DDOST: variants seen among roughly 807,000 people sequenced by gnomAD.
DDOST encodes dolichyl-diphosphooligosaccharide--protein glycosyltransferase non-catalytic subunit, also known as dolichyl-diphosphooligosaccharide--protein glycosyltransferase 48 kDa subunit.
Under a neutral mutation model 47.6 loss-of-function variants are expected in DDOST, and 25 were observed. That is an observed-to-expected ratio of 0.53 (90% CI 0.38 to 0.73). The LOEUF is 0.73. DDOST is among the 30% of genes least tolerant of loss of function. DDOST has a pLI of 0.00. For missense variants in DDOST, 526 were observed against 573.9 expected (o/e 0.92, Z 0.85); for synonymous variants, 275 against 236.0 (o/e 1.17, Z -1.51).
In DDOST at chr1:20,661,190, C is replaced by T. The variant is rs1431294245; in HGVS notation, c.154+7G>A. On this transcript the variant is annotated splice_region_variant and intron_variant, in intron 1 of 10. Coordinates refer to ENST00000602624, the MANE Select transcript of DDOST (RefSeq NM_005216.5). ...CCACACGCTACCCCCTCGGACCCCG[C>T]TCTCACCCTTCAGGCTCCGGAAGAA... The T allele has an allele frequency of 3.7e-6, 6 of 1,613,238 alleles. No individual in the cohort carries two copies. Among genetic ancestry groups the T allele is most frequent in the Non-Finnish European group, 5.1e-6 (6 of 1,179,712 alleles).
In DDOST at chr1:20,652,606, G is replaced by A. The variant is rs748840954; in HGVS notation, c.1170+15C>T. 2 of 1,614,074 alleles carry A rather than the reference G, an allele frequency of 1.2e-6. No homozygotes were observed. Among genetic ancestry groups the A allele is most frequent in the Non-Finnish European group, 1.7e-6 (2 of 1,179,912 alleles). ...CACATGCTAGCTGAAAACAGAAGCTGTCACCTGTGCTTACCTGAGTGGAAG... is the reference window on the plus strand; with the variant it reads ...CACATGCTAGCTGAAAACAGAAGCTATCACCTGTGCTTACCTGAGTGGAAG... On this transcript the variant is annotated intron_variant, in intron 10 of 10. Coordinates refer to ENST00000602624, the MANE Select transcript of DDOST (RefSeq NM_005216.5).
At chr1:20,660,583 T>G (rs2053424021) in intron 2 of DDOST, 1 of 227,550 alleles carries the variant, frequency 4.4e-6, no homozygotes, top group Non-Finnish European at 8.7e-6. Context: ...ACCCAGGAGC[T>G]TTCCATCTTT....
At chr1:20,653,207 A>G in intron 8 of DDOST, 2 of 586,728 alleles carry the variant, frequency 3.4e-6, no homozygotes, top group Admixed American at 3.0e-5. Flanking sequence ...AGATTCCTTC[A>G]CACAGTATTC....
chr1:20,653,421 C>G (rs2154534208), intron 8 of DDOST, among the ~76,000 whole-genome samples: 1 of 152,352 alleles, frequency 6.6e-6, no homozygotes. Flanking sequence ...AATACACACA[C>G]CTCTTCAAAA....
At position 20,652,938 on chromosome 1, in the gene DDOST, C is replaced by T; in HGVS notation, c.976G>A (p.Gly326Ser). 6.2e-7 allele frequency: 1 copy of T among 1,614,202 alleles called. No individual in the cohort carries two copies. Among genetic ancestry groups the T allele is most frequent in the Non-Finnish European group, 8.5e-7 (1 of 1,180,036 alleles). The change falls in exon 9 of 11, where the codon GGC becomes AGC. Residue 326 changes from glycine (G) to serine (S), a missense_variant. Physicochemically the swap from Gly to Ser is moderately conservative, Grantham distance 56. Coordinates refer to ENST00000602624, the MANE Select transcript of DDOST (RefSeq NM_005216.5). ...TCGCCATCAAAGGGGACCCATTTGC[C>T]ATTTGAGAGCTGCTGGATCACGATG... ...YSIVIQQLSNGKWVPFDGDDI... is the reference protein window; with the variant it reads ...YSIVIQQLSNSKWVPFDGDDI...
intron 2 of DDOST, among the ~76,000 whole-genome samples, chr1:20,659,347 G>A (rs2053411837): frequency 6.6e-6 from 1 of 152,104 alleles, no homozygotes; most frequent in Non-Finnish European, 1.5e-5. Flanking sequence ...CTCCCGAGCA[G>A]TCTCATTCAC....
rs1386023268 is a variant in DDOST, at chr1:20,653,574, G to C, written c.942+53C>G. On this transcript the variant is annotated intron_variant, in intron 8 of 10. Coordinates refer to ENST00000602624, the MANE Select transcript of DDOST (RefSeq NM_005216.5). ...TGTTCAATAAGTGCTTCTGAGCTGAGCTCAGTCAGCTTGGCAAACCCTTTG... is the reference window on the plus strand; with the variant it reads ...TGTTCAATAAGTGCTTCTGAGCTGACCTCAGTCAGCTTGGCAAACCCTTTG... 2.0e-6 allele frequency: 3 copies of C among 1,513,064 alleles called. No individual in the cohort carries two copies. In the South Asian group the frequency reaches 3.8e-5, roughly 19 times the overall value. 93.7% of individuals were successfully genotyped at this position (1,513,064 alleles called of 1,614,324 possible). A position where few individuals can be genotyped will look rare whatever the true frequency, so the allele number is the denominator to read the frequency against.
Position 20,660,986 on chromosome 1 carries a change from C to A in DDOST, c.160G>T (p.Gly54Cys). Residue 54 changes from glycine to cysteine, a missense_variant, in exon 2 of 11, where the codon GGC becomes TGC. Gly to Cys is a radical substitution (Grantham distance 159). Transcript: ENST00000602624. ...SLFFRSLKDR[G>C]FELTFKTADD... ...GCGGTCTTGAATGTGAGCTCAAAGC[C>A]CCGGTCTGGACAAGAAAAAACAGGT... 1 of 1,612,084 alleles carries A rather than the reference C, an allele frequency of 6.2e-7. No individual in the cohort carries two copies. Among genetic ancestry groups the A allele is most frequent in the Non-Finnish European group, 8.5e-7 (1 of 1,178,328 alleles).
At position 20,661,315 on chromosome 1, in the gene DDOST, G is replaced by A; in HGVS notation, c.36C>T (p.Leu12=). 1 of 1,613,828 alleles carries A rather than the reference G, an allele frequency of 6.2e-7. No homozygotes were observed. Among genetic ancestry groups the A allele is most frequent in the Non-Finnish European group, 8.5e-7 (1 of 1,180,010 alleles). Reference sequence around the variant, plus strand: ...CAAGCAAGGGCAGCAGCAACCAAAAGAGGGCCCAAGCCCGGGCCGCGGTGC... The same window carrying A: ...CAAGCAAGGGCAGCAGCAACCAAAAAAGGGCCCAAGCCCGGGCCGCGGTGC... ...EPSTAARAWA[L]FWLLLPLLGA... Residue 12 remains leucine (L), a synonymous_variant, in exon 1 of 11, where the codon CTC becomes CTT. Coordinates refer to ENST00000602624, the MANE Select transcript of DDOST (RefSeq NM_005216.5).
chr1:20,657,546 G>A lies in DDOST; in HGVS notation c.266-1359C>T, dbSNP rs186316479. Among the ~76,000 whole-genome samples the A allele has an allele frequency of 5.3e-5, 8 of 152,254 alleles. No homozygotes were observed. The East Asian group carries it at 9.7e-4, about 18-fold the overall frequency. On this transcript the variant is annotated intron_variant, in intron 2 of 10. Coordinates refer to ENST00000602624, the MANE Select transcript of DDOST (RefSeq NM_005216.5). Reference sequence around the variant, plus strand: ...CAGCCGCAGGGCCTGCTGATGCTTCGACAGGGGCATTAGAAAAGCTCCAAG... The same window carrying A: ...CAGCCGCAGGGCCTGCTGATGCTTCAACAGGGGCATTAGAAAAGCTCCAAG...
Position 20,654,226 on chromosome 1 carries a change from T to A in DDOST, c.791A>T (p.Gln264Leu). The change falls in exon 7 of 11, where the codon CAG (glutamine) becomes CTG (leucine). Residue 264 changes from glutamine (Q) to leucine (L), a missense_variant. By Grantham distance (113) the Gln-to-Leu change is moderately radical. Coordinates refer to ENST00000602624, the MANE Select transcript of DDOST (RefSeq NM_005216.5). ...CCCTAAGCCTCCTGGCAGCTACCTC[T>A]GGGAGCCGGGCGCCGCCTTCTGCAC... is the stretch of plus-strand genomic sequence containing the variant. ...SAVQKAAPGS[Q>L]RYSQTGNYEL... 1 of 1,550,590 alleles carries A rather than the reference T, an allele frequency of 6.4e-7. No homozygotes were observed. Among genetic ancestry groups the A allele is most frequent in the Non-Finnish European group, 8.7e-7 (1 of 1,146,932 alleles).
At position 20,654,715 on chromosome 1, in the gene DDOST, A is replaced by G. The variant is rs768421896; in HGVS notation, c.552-8T>C. On this transcript the variant is annotated splice_region_variant and splice_polypyrimidine_tract_variant and intron_variant, in intron 5 of 10. Coordinates refer to ENST00000602624, the MANE Select transcript of DDOST (RefSeq NM_005216.5). ...TCAGGATCGGCCACCATCCTGCAGCAGGACGAGAGCAGCCCAGCACTGGCC... is the reference window on the plus strand; with the variant it reads ...TCAGGATCGGCCACCATCCTGCAGCGGGACGAGAGCAGCCCAGCACTGGCC... The G allele has an allele frequency of 2.0e-5, 31 of 1,550,586 alleles. No individual in the cohort carries two copies. Among genetic ancestry groups the G allele is most frequent in the Non-Finnish European group, 2.5e-5 (29 of 1,145,742 alleles).
intron 2 of DDOST, 44 bp from the exon 3 acceptor site, chr1:20,656,231 C>T (rs372973778): frequency 1.7e-5 from 26 of 1,488,888 alleles, no homozygotes; most frequent in Non-Finnish European, 2.4e-5. Flanking sequence ...GTCTCCTCTC[C>T]CTGCTCCTCT....
chr1:20,654,150 C>CGAA (rs1410791872), intron 7 of DDOST, 73 bp downstream of exon 7: 2 of 1,499,878 alleles, frequency 1.3e-6, no homozygotes, highest in Non-Finnish European at 1.8e-6. Context: ...CTCCTTCTTC[C>CGAA]CCTTCTGAGT....
chr1:20,655,640 T>C, intron 4 of DDOST, 36 bp downstream of exon 4: 1 of 1,597,936 alleles, frequency 6.3e-7, no homozygotes, highest in Non-Finnish European at 8.6e-7. Context: ...CTTTGCCATA[T>C]GCCCCTGAAA....
intron 2 of DDOST, among the ~76,000 whole-genome samples, chr1:20,656,597 C>T (rs1190007390): frequency 6.6e-6 from 1 of 152,194 alleles, no homozygotes; most frequent in Non-Finnish European, 1.5e-5. Flanking sequence ...CCTGTCAATT[C>T]CACCCTGTCT....
Position 20,653,670 on chromosome 1 carries a change from C to G in DDOST, c.899G>C (p.Gly300Ala). ...RVGPVSHHRV[G>A]ETAPPNAYTV... ...GTAGGCATTGGGTGGGGCTGTCTCG[C>G]CCACCCGATGATGGGACACAGGCCC... The change falls in exon 8 of 11, where the codon GGC (glycine) becomes GCC (alanine). Residue 300 changes from glycine (G) to alanine (A), a missense_variant. Gly to Ala is a moderately conservative substitution (Grantham distance 60). Coordinates refer to ENST00000602624, the MANE Select transcript of DDOST (RefSeq NM_005216.5). 1 of 1,613,474 alleles carries G rather than the reference C, an allele frequency of 6.2e-7. No homozygotes were observed. Among genetic ancestry groups the G allele is most frequent in the South Asian group, 1.1e-5 (1 of 91,044 alleles).
At chr1:20,654,510 C>T (rs1277995055) in intron 6 of DDOST, 104 bp downstream of exon 6, 2 of 1,369,236 alleles carry the variant, frequency 1.5e-6, no homozygotes, top group Non-Finnish European at 2.0e-6. Context: ...CACACCGCTT[C>T]TGCCCATGCC....
chr1:20,652,739 C>A lies in DDOST; in HGVS notation c.1064-12G>T. ...ACTGTATTTGCCACCTGCGGAAGAA[C>A]CAACAAGAATAACCGGGAGGGGTTT... On this transcript the variant is annotated splice_polypyrimidine_tract_variant and intron_variant, in intron 9 of 10. Transcript: ENST00000602624. 6.2e-7 allele frequency: 1 copy of A among 1,614,102 alleles called. No individual in the cohort carries two copies.
Sources: allele counts gnomAD v4.1 joint callset (sites outside exome capture counted in the v4.1 genomes callset), GRCh38; gene constraint gnomAD v4.1.1; transcripts MANE v1.5; gene names NCBI Gene and HGNC (gene_info 2026-07-23, HGNC 2026-07-21).